SRFBP1: variants seen among roughly 807,000 people sequenced by gnomAD.
SRFBP1 encodes the protein serum response factor-binding protein 1.
A neutral mutation model predicts 45.5 loss-of-function variants in SRFBP1; 47 were observed. The ratio of observed to expected loss-of-function variants is 1.03; its 90% confidence interval spans 0.82 to 1.32. The LOEUF is 1.32. Ranked by LOEUF, SRFBP1 falls within the 40% of genes most tolerant of loss-of-function variation. The probability of loss-of-function intolerance (pLI) is 0.00; values close to 1 mark genes in which losing one functional copy is unlikely to be tolerated. For synonymous variants in SRFBP1, 203 were observed against 166.3 expected (o/e 1.22, Z -1.70); for missense variants, 621 against 484.6 (o/e 1.28, Z -2.64).
chr5:122,034,873 A>G (rs983654318), intron 2 of SRFBP1, among the ~76,000 whole-genome samples: 1 of 151,652 alleles, frequency 6.6e-6, no homozygotes, highest in South Asian at 2.1e-4. Flanking sequence ...AAATCTTGGG[A>G]TTGTTACTCT....
intron 4 of SRFBP1, among the ~76,000 whole-genome samples, chr5:122,009,045 C>G (rs1753036735): frequency 6.6e-6 from 1 of 152,130 alleles, no homozygotes; most frequent in Admixed American, 6.5e-5. Flanking sequence ...CTAATGTATA[C>G]TCCCACCTTC....
intron 2 of SRFBP1, among the ~76,000 whole-genome samples, chr5:122,036,394 G>T (rs1264773198): frequency 6.6e-6 from 1 of 152,094 alleles, no homozygotes; most frequent in African/African-American, 2.4e-5. Flanking sequence ...GCAACATTTT[G>T]CACAAGTTGT....
At chr5:121,997,163 A>G (rs1351921055) in intron 4 of SRFBP1, among the ~76,000 whole-genome samples, 1 of 146,860 alleles carries the variant, frequency 6.8e-6, no homozygotes, top group African/African-American at 2.6e-5. Flanking sequence ...GGAAAAAACT[A>G]CTTTAAAGTT....
intron 2 of SRFBP1, among the ~76,000 whole-genome samples, chr5:122,038,274 G>A (rs746102598): frequency 1.3e-5 from 2 of 152,140 alleles, no homozygotes; most frequent in Non-Finnish European, 2.9e-5. Context: ...GACGGGGAAG[G>A]AGCCCAAAAG....
intron 4 of SRFBP1, among the ~76,000 whole-genome samples, chr5:122,010,866 G>A (rs1240866905): frequency 6.6e-6 from 1 of 152,032 alleles, no homozygotes; most frequent in Non-Finnish European, 1.5e-5. Context: ...CTATGGAAAA[G>A]ATTTCATTTG....
chr5:122,039,692 T>C lies in SRFBP1; in HGVS notation n.311+17285T>C, dbSNP rs572724033. Among the ~76,000 whole-genome samples the C allele has an allele frequency of 5.9e-5, 9 of 152,270 alleles. No individual in the cohort carries two copies. In the South Asian group the frequency reaches 1.7e-3, roughly 28 times the overall value. On this transcript the variant is annotated intron_variant and non_coding_transcript_variant, in intron 2 of 2. Transcript: ENST00000504881. ...CTATTTGCTGGGTTCTCTGAATAAT[T>C]GCATTGAGCAGATCCTCCCAAGTCC...
chr5:121,995,125 G>C (rs1161474529), intron 4 of SRFBP1, among the ~76,000 whole-genome samples: 2 of 151,318 alleles, frequency 1.3e-5, no homozygotes, highest in African/African-American at 4.9e-5. Context: ...AGTCAACAAG[G>C]ATACCCAGGA....
chr5:121,997,323 A>G (rs983760660), intron 4 of SRFBP1, among the ~76,000 whole-genome samples: 1 of 150,146 alleles, frequency 6.7e-6, no homozygotes, highest in Non-Finnish European at 1.5e-5. Context: ...AGAGATGTAG[A>G]TCAATGGAAC....
chr5:121,975,998 T>C (rs964585954), intron 3 of SRFBP1, among the ~76,000 whole-genome samples: 11 of 152,004 alleles, frequency 7.2e-5, no homozygotes, highest in African/African-American at 2.7e-4. Flanking sequence ...GAGACTGTTT[T>C]ACTGTAGAAC....
At chr5:122,004,347 A>T (rs1289712650) in intron 4 of SRFBP1, among the ~76,000 whole-genome samples, 2 of 151,850 alleles carry the variant, frequency 1.3e-5, no homozygotes, top group Non-Finnish European at 2.9e-5. Flanking sequence ...TCATGTGGAT[A>T]TCCAGTTGTC....
chr5:122,000,478 C>G (rs958676050), intron 4 of SRFBP1, among the ~76,000 whole-genome samples: 1 of 151,960 alleles, frequency 6.6e-6, no homozygotes, highest in Admixed American at 6.6e-5. Flanking sequence ...AGTAGATCTG[C>G]TGGCAGTAAG....
intron 1 of SRFBP1, among the ~76,000 whole-genome samples, chr5:121,962,565 C>G (rs949595975): frequency 6.6e-6 from 1 of 152,160 alleles, no homozygotes; most frequent in Non-Finnish European, 1.5e-5. Flanking sequence ...CAGTTAGTGT[C>G]CTATTTCTTT....
intron 2 of SRFBP1, among the ~76,000 whole-genome samples, chr5:122,052,095 A>G (rs1753998064): frequency 6.6e-6 from 1 of 152,172 alleles, no homozygotes; most frequent in South Asian, 2.1e-4. Context: ...TCTGAGTTGT[A>G]GGGTTTCTGC....
At position 122,027,161 on chromosome 5, in the gene SRFBP1, AAAAAAAATGTTTTT is replaced by A. The variant is rs1450553279; in HGVS notation, c.*36_*49del. 6 of 1,557,860 alleles carry A rather than the reference AAAAAAAATGTTTTT, an allele frequency of 3.9e-6. No homozygotes were observed. In the East Asian group the frequency reaches 1.1e-4, roughly 29 times the overall value. On this transcript the variant is annotated 3_prime_UTR_variant, in exon 8 of 8. Coordinates refer to ENST00000339397, the MANE Select transcript of SRFBP1 (RefSeq NM_152546.3). ...CTTTCTGCAAACTTTTCCATCTAAA[AAAAAAAATGTTTTT>A]TTTAAGACAGGATCTCATTCTGTTG...
At chr5:122,049,354 A>T (rs1753925791) in intron 2 of SRFBP1, among the ~76,000 whole-genome samples, 1 of 152,186 alleles carries the variant, frequency 6.6e-6, no homozygotes, top group African/African-American at 2.4e-5. Flanking sequence ...CACCCAATAC[A>T]GGAGTACCCA....
At chr5:121,968,015 C>T (rs1003517531) in intron 1 of SRFBP1, among the ~76,000 whole-genome samples, 2 of 151,844 alleles carry the variant, frequency 1.3e-5, no homozygotes, top group African/African-American at 2.4e-5. Context: ...GTAATTATTC[C>T]TCTTGGTGTG....
At chr5:122,075,594 A>C, downstream of SRFBP1, 1 of 1,209,484 alleles carries the variant, frequency 8.3e-7, no homozygotes, top group Admixed American at 2.4e-5. Context: ...TTAACTAAAG[A>C]CAAAACTACA....
At chr5:122,015,780 A>T (rs1199381405) in intron 4 of SRFBP1, among the ~76,000 whole-genome samples, 2 of 151,206 alleles carry the variant, frequency 1.3e-5, no homozygotes, top group East Asian at 3.9e-4. Context: ...GTTAGTTCGC[A>T]TAGAGTTTAC....
At chr5:122,009,668 C>T (rs1217502551) in intron 4 of SRFBP1, among the ~76,000 whole-genome samples, 2 of 152,072 alleles carry the variant, frequency 1.3e-5, no homozygotes, top group African/African-American at 2.4e-5. Flanking sequence ...GTATGTGTAG[C>T]TCTTTGTAGT....
Sources: gnomAD v4.1 joint callset for allele counts (sites outside exome capture counted in the v4.1 genomes callset) on GRCh38, gnomAD v4.1.1 for gene constraint, MANE v1.5 for transcripts, NCBI Gene and HGNC (gene_info 2026-07-23, HGNC 2026-07-21) for gene names.